Variants in ANKRD12 observed in about 807,000 individuals in gnomAD.
ANKRD12 encodes ankyrin repeat domain 12, also known as ankyrin repeat domain-containing protein 12.
A neutral mutation model predicts 183.4 loss-of-function variants in ANKRD12; 85 were observed. The ratio of observed to expected loss-of-function variants is 0.46; its 90% CI spans 0.39 to 0.56. The LOEUF (loss-of-function observed/expected upper bound fraction) is 0.56, where lower values mean the gene tolerates loss of function less well. Ranked by LOEUF, ANKRD12 falls within the 20% of genes least tolerant of loss-of-function variation. The probability of loss-of-function intolerance (pLI) is 0.00; values close to 1 mark genes in which losing one functional copy is unlikely to be tolerated. For missense variants in ANKRD12, 2,405 were observed against 2,357.1 expected, an observed-to-expected ratio of 1.02 and a Z score of -0.42; for synonymous variants, 914 against 800.2, an observed-to-expected ratio of 1.14 and a Z score of -2.40.
At chr18:9,262,286 G>A (rs910388216) in intron 9 of ANKRD12, among the ~76,000 whole-genome samples, 1 of 152,156 alleles carries the variant, frequency 6.6e-6, no homozygotes, top group East Asian at 1.9e-4. Flanking sequence ...TAAACCAGAA[G>A]TGTTATAACT....
chr18:9,268,092 C>A (rs973459106), intron 10 of ANKRD12, among the ~76,000 whole-genome samples: 34 of 152,164 alleles, frequency 2.2e-4, no homozygotes, highest in African/African-American at 7.5e-4. Flanking sequence ...TCTGAATAGA[C>A]CAATAACAGG....
rs139009482 is a variant in ANKRD12, at chr18:9,282,470, A to T, written c.*1344A>T. The stretch of plus-strand genomic sequence containing the variant: ...TTATAATAAATTAGCAATATACTTT[A>T]AAAAAAATCCAGTTTCTCCTATAAC... On this transcript the variant is annotated 3_prime_UTR_variant, in exon 13 of 13. Transcript: ENST00000262126. 94 of 152,526 alleles carry T rather than the reference A, an allele frequency of 6.2e-4. No homozygotes were observed. Among genetic ancestry groups the T allele is most frequent in the African/African-American group, 1.6e-3 (65 of 41,530 alleles). The allele number at this position is 152,526 out of a possible 1,614,324, so 9.4% of individuals were successfully genotyped here.
chr18:9,169,233 A>T (rs1046129586), intron 1 of ANKRD12, among the ~76,000 whole-genome samples: 1 of 152,122 alleles, frequency 6.6e-6, no homozygotes, highest in Non-Finnish European at 1.5e-5. Flanking sequence ...TATGAGGTCC[A>T]CTTGGTGCAG....
Position 9,255,044 on chromosome 18 carries a change from G to C in ANKRD12, c.1777G>C (p.Glu593Gln), listed in dbSNP as rs1367721905. The C allele has an allele frequency of 6.3e-7, 1 of 1,593,002 alleles. No homozygotes were observed. The highest frequency in any genetic ancestry group is 1.2e-5 in the South Asian group (1 of 86,300). The change falls in exon 9 of 13, where the codon GAA (glutamate) becomes CAA (glutamine). Residue 593 changes from glutamate (E) to glutamine (Q), a missense_variant. Physicochemically the swap from Glu to Gln is conservative, Grantham distance 29. Transcript: ENST00000262126. ...YDNTESEFLP[E>Q]SSSVKSCKHK... ...TAATACAGAATCTGAATTCTTGCCA[G>C]AAAGTTCAAGTGTAAAATCTTGTAA...
At chr18:9,221,822 A>G in intron 7 of ANKRD12, 30 bp from the exon 8 acceptor site, 1 of 1,611,648 alleles carries the variant, frequency 6.2e-7, no homozygotes, top group South Asian at 1.1e-5. Flanking sequence ...CTGTGAAGGG[A>G]CTAAGTCTTC....
At chr18:9,252,288 A>G (rs2038342482) in intron 8 of ANKRD12, among the ~76,000 whole-genome samples, 1 of 152,178 alleles carries the variant, frequency 6.6e-6, no homozygotes, top group South Asian at 2.1e-4. Context: ...AAATGGCATC[A>G]TGGAGGTGTA....
At chr18:9,155,843 T>G (rs985412046) in intron 1 of ANKRD12, among the ~76,000 whole-genome samples, 5 of 152,168 alleles carry the variant, frequency 3.3e-5, no homozygotes, top group African/African-American at 1.2e-4. Flanking sequence ...TTTCACTTGT[T>G]TTCTGATTTC....
chr18:9,174,852 G>T (rs111533782), intron 1 of ANKRD12, among the ~76,000 whole-genome samples: 1,284 of 32,524 alleles, frequency 0.039, 28 homozygotes, highest in African/African-American at 0.071. Flanking sequence ...TAATCCCAGT[G>T]CTTTGTGAAA....
Position 9,204,520 on chromosome 18 carries a change from A to T in ANKRD12, c.280A>T (p.Ile94Leu). ...AAGTGAAAATTGGGGGGAGAGACTT[A>T]TATCTTCTTACAGGACATACTCAGG... The part of the protein sequence containing the change: ...HTSENWGERL[I>L]SSYRTYSEKE... Residue 94 changes from isoleucine (I) to leucine (L), a missense_variant, in exon 4 of 13, where the codon ATA becomes TTA. By Grantham distance (5) the Ile-to-Leu change is conservative. Coordinates refer to ENST00000262126, the MANE Select transcript of ANKRD12 (RefSeq NM_015208.5). The T allele has an allele frequency of 6.2e-7, 1 of 1,600,938 alleles. No homozygotes were observed.
intron 8 of ANKRD12, among the ~76,000 whole-genome samples, chr18:9,228,558 C>T (rs913289082): frequency 2.6e-5 from 4 of 152,040 alleles, no homozygotes; most frequent in Non-Finnish European, 4.4e-5. Flanking sequence ...GATACCTTTC[C>T]CTGATGATTA....
chr18:9,205,237 TGTGACAGCTAATTAGTTAAATG>T (rs1167007501), intron 4 of ANKRD12, among the ~76,000 whole-genome samples: 116 of 142,394 alleles, frequency 8.1e-4, no homozygotes, highest in Non-Finnish European at 8.8e-4. Context: ...TTCTCTAGTA[TGTGACAGCTAATTAGTTAAATG>T]TTTTTGATTG....
At chr18:9,144,077 A>G (rs1380405427) in intron 1 of ANKRD12, among the ~76,000 whole-genome samples, 1 of 152,170 alleles carries the variant, frequency 6.6e-6, no homozygotes, top group East Asian at 1.9e-4. Context: ...ATGCATGAGG[A>G]AATAATCATT....
intron 10 of ANKRD12, among the ~76,000 whole-genome samples, chr18:9,272,887 A>T (rs1364707101): frequency 6.6e-6 from 1 of 152,172 alleles, no homozygotes; most frequent in Non-Finnish European, 1.5e-5. Context: ...TTTTGGATAT[A>T]ATATGGCCTG....
chr18:9,220,961 C>T (rs1488652052), intron 7 of ANKRD12, among the ~76,000 whole-genome samples: 2 of 152,138 alleles, frequency 1.3e-5, no homozygotes, highest in East Asian at 3.9e-4. Flanking sequence ...TAAGTAACAG[C>T]TGCAAGGGCA....
intron 4 of ANKRD12, among the ~76,000 whole-genome samples, chr18:9,206,300 T>C (rs1265347519): frequency 6.6e-6 from 1 of 152,070 alleles, no homozygotes; most frequent in Non-Finnish European, 1.5e-5. Flanking sequence ...TTGCAGGTAC[T>C]GAATCTTGAG....
intron 1 of ANKRD12, 31 bp from the exon 2 acceptor site, chr18:9,182,351 C>A: frequency 2.2e-6 from 1 of 450,798 alleles, no homozygotes; most frequent in Non-Finnish European, 3.6e-6. Context: ...TATATATATT[C>A]AAATAACCCT....
In ANKRD12 at chr18:9,216,015, C is replaced by CTT. The variant is rs36084675; in HGVS notation, c.653-727_653-726dup. Reference sequence around the variant, plus strand: ...TTCCAATAATTTAAGGCTGCTTTTACTTTTTTTTTTTTTTTTTAAACACCA... The same window carrying CTT: ...TTCCAATAATTTAAGGCTGCTTTTACTTTTTTTTTTTTTTTTTTTAAACACCA... On this transcript the variant is annotated intron_variant, in intron 6 of 12. Coordinates refer to ENST00000262126, the MANE Select transcript of ANKRD12 (RefSeq NM_015208.5). 3.6e-3 allele frequency among the ~76,000 whole-genome samples: 512 copies of CTT among 141,310 alleles called. 6 individuals are homozygous for CTT. The highest frequency in any genetic ancestry group is 0.013 in the South Asian group (57 of 4,436). The allele number at this position is 141,310 out of a possible 152,430, so 92.7% of individuals were successfully genotyped here.
intron 6 of ANKRD12, among the ~76,000 whole-genome samples, chr18:9,213,710 G>A (rs1444735869): frequency 6.6e-6 from 1 of 151,604 alleles, no homozygotes; most frequent in Non-Finnish European, 1.5e-5. Flanking sequence ...TATGGACAGT[G>A]TTTATTTTCT....
At chr18:9,214,369 C>T (rs1176056882) in intron 6 of ANKRD12, among the ~76,000 whole-genome samples, 1 of 152,068 alleles carries the variant, frequency 6.6e-6, no homozygotes, top group Non-Finnish European at 1.5e-5. Flanking sequence ...ATAAAATTTA[C>T]TGTAGTACAT....
Sources: allele counts gnomAD v4.1 joint callset (sites outside exome capture counted in the v4.1 genomes callset), GRCh38; gene constraint gnomAD v4.1.1; transcripts MANE v1.5; gene names NCBI Gene and HGNC (gene_info 2026-07-23, HGNC 2026-07-21).